Variants in PIP4K2A observed in about 807,000 individuals in gnomAD.
The protein encoded by PIP4K2A is phosphatidylinositol 5-phosphate 4-kinase type-2 alpha.
Under a neutral mutation model 42.9 loss-of-function variants are expected in PIP4K2A, and 14 were observed. That is an observed-to-expected ratio of 0.33 (90% confidence interval 0.22 to 0.51). The LOEUF (loss-of-function observed/expected upper bound fraction) is 0.51. Among genes scored for constraint, PIP4K2A ranks in the 20% least tolerant of loss-of-function variants. The pLI is 0.97. For synonymous variants in PIP4K2A, 192 were observed against 192.2 expected, an observed-to-expected ratio of 1.00 and a Z score of 0.01; for missense variants, 434 against 519.8, an observed-to-expected ratio of 0.83 and a Z score of 1.61.
chr10:22,624,581 TAGG>T (rs1240416598), intron 1 of PIP4K2A, among the ~76,000 whole-genome samples: 1 of 152,180 alleles, frequency 6.6e-6, no homozygotes, highest in Admixed American at 6.5e-5. Flanking sequence ...TTGTGGAATT[TAGG>T]AGATGAGTCA....
Position 22,613,816 on chromosome 10 carries a change from G to A in PIP4K2A, c.145-4099C>T, listed in dbSNP as rs532627241. Among the ~76,000 whole-genome samples the A allele has an allele frequency of 5.3e-5, 8 of 152,266 alleles. No homozygotes were observed. The East Asian group carries it at 7.7e-4, about 15-fold the overall frequency. On this transcript the variant is annotated intron_variant, in intron 1 of 9. Coordinates refer to ENST00000376573, the MANE Select transcript of PIP4K2A (RefSeq NM_005028.5). The stretch of plus-strand genomic sequence containing the variant: ...CAGGTGCAGAGACAGGATGACAGGC[G>A]TTCTTCAGGATGGAGGGTGTTTGCT...
At chr10:22,642,595 C>T (rs1277879032) in intron 1 of PIP4K2A, among the ~76,000 whole-genome samples, 1 of 31,290 alleles carries the variant, frequency 3.2e-5, no homozygotes, top group Non-Finnish European at 6.4e-5. Context: ...TATTTATAAA[C>T]AGATCAGTGT....
intron 4 of PIP4K2A, among the ~76,000 whole-genome samples, chr10:22,585,459 T>C (rs1211400055): frequency 6.6e-6 from 1 of 152,182 alleles, no homozygotes; most frequent in East Asian, 1.9e-4. Context: ...AATAAGAAAG[T>C]AAATTAAAAT....
chr10:22,600,128 A>G lies in PIP4K2A; in HGVS notation c.339+7799T>C, dbSNP rs539399373. Among the ~76,000 whole-genome samples the G allele has an allele frequency of 9.9e-5, 15 of 151,416 alleles. No homozygotes were observed. The South Asian group carries it at 1.0e-3, about 10-fold the overall frequency. On this transcript the variant is annotated intron_variant, in intron 3 of 9. Coordinates refer to ENST00000376573, the MANE Select transcript of PIP4K2A (RefSeq NM_005028.5). ...TTTAGTAACAGTTACTTTTCCCTGC[A>G]TTTTTTAAACAACCAAGCATTTTGC... is the stretch of plus-strand genomic sequence containing the variant.
At chr10:22,641,321 C>A (rs1195891423) in intron 1 of PIP4K2A, among the ~76,000 whole-genome samples, 3 of 152,202 alleles carry the variant, frequency 2.0e-5, no homozygotes, top group Non-Finnish European at 2.9e-5. Flanking sequence ...CCACTCTCTG[C>A]CACTACAGAG....
intron 8 of PIP4K2A, among the ~76,000 whole-genome samples, chr10:22,541,348 C>T (rs958216714): frequency 6.6e-6 from 1 of 152,166 alleles, no homozygotes; most frequent in East Asian, 1.9e-4. Flanking sequence ...CACAGAGGAT[C>T]ACATGCATGT....
chr10:22,568,035 C>A, intron 5 of PIP4K2A, 146 bp from the exon 6 acceptor site: 3 of 736,886 alleles, frequency 4.1e-6, no homozygotes, highest in East Asian at 2.5e-5. Flanking sequence ...GCTTCTCATC[C>A]CTCCCTGACC....
intron 1 of PIP4K2A, chr10:22,691,729 A>G (rs11592199): frequency 0.33 from 50,258 of 152,110 alleles, 8,720 homozygotes; most frequent in South Asian, 0.4. Context: ...CTTGACCCAT[A>G]AAGGTTTGAG....
At chr10:22,693,438 A>C (rs1839913189) in intron 1 of PIP4K2A, among the ~76,000 whole-genome samples, 1 of 152,200 alleles carries the variant, frequency 6.6e-6, no homozygotes, top group African/African-American at 2.4e-5. Flanking sequence ...ATTCACTCAG[A>C]AGGCAACTTC....
intron 3 of PIP4K2A, among the ~76,000 whole-genome samples, chr10:22,597,514 T>C (rs543799270): frequency 5.9e-5 from 9 of 152,278 alleles, no homozygotes; most frequent in South Asian, 2.1e-4. Context: ...CCCATCCACT[T>C]TCTCTGCTTA....
At chr10:22,616,707 GTAAT>G (rs1033320826) in intron 1 of PIP4K2A, among the ~76,000 whole-genome samples, 4 of 150,552 alleles carry the variant, frequency 2.7e-5, no homozygotes, top group African/African-American at 9.8e-5. Context: ...AAAAAAAAAA[GTAAT>G]TAAGTACATG....
intron 1 of PIP4K2A, among the ~76,000 whole-genome samples, chr10:22,683,259 G>A (rs1361944406): frequency 6.6e-6 from 1 of 152,078 alleles, no homozygotes; most frequent in South Asian, 2.1e-4. Flanking sequence ...TCATACCACC[G>A]AGTCAAGGCT....
chr10:22,596,757 T>C (rs1202236353), intron 3 of PIP4K2A, among the ~76,000 whole-genome samples: 1 of 152,186 alleles, frequency 6.6e-6, no homozygotes, highest in Non-Finnish European at 1.5e-5. Flanking sequence ...AACCACTCAA[T>C]ATACAGATAA....
At chr10:22,643,982 T>C (rs1838831266) in intron 1 of PIP4K2A, among the ~76,000 whole-genome samples, 1 of 152,108 alleles carries the variant, frequency 6.6e-6, no homozygotes, top group African/African-American at 2.4e-5. Context: ...GGCTCTCAGT[T>C]TTTAAAACAT....
At chr10:22,593,347 GAAAA>G (rs35283574) in intron 3 of PIP4K2A, among the ~76,000 whole-genome samples, 36 of 146,434 alleles carry the variant, frequency 2.5e-4, no homozygotes, top group Admixed American at 2.1e-3. Context: ...TTGAGAGAAG[GAAAA>G]AAAAAAATCT....
intron 4 of PIP4K2A, among the ~76,000 whole-genome samples, chr10:22,591,387 A>G (rs1307801871): frequency 6.6e-6 from 1 of 152,252 alleles, no homozygotes; most frequent in Non-Finnish European, 1.5e-5. Context: ...ACTATTACAC[A>G]AGAGTATTTA....
At chr10:22,694,885 ACTG>A (rs1472661040) in intron 1 of PIP4K2A, among the ~76,000 whole-genome samples, 1 of 152,186 alleles carries the variant, frequency 6.6e-6, no homozygotes, top group Non-Finnish European at 1.5e-5. Context: ...ATGAGAACTT[ACTG>A]CTATCCACAA....
chr10:22,661,363 T>G (rs1220503483), intron 1 of PIP4K2A, among the ~76,000 whole-genome samples: 3 of 149,076 alleles, frequency 2.0e-5, no homozygotes, highest in Non-Finnish European at 3.0e-5. Context: ...TTTTTTTTTT[T>G]TTTTTTTTTA....
intron 1 of PIP4K2A, 59 bp downstream of exon 1, chr10:22,714,124 G>A (rs1200046303): frequency 1.3e-6 from 2 of 1,508,346 alleles, no homozygotes; most frequent in African/African-American, 1.4e-5. Context: ...GAGGAGGAGG[G>A]GAACGAGGAG....
Sources: gnomAD v4.1 joint callset for allele counts (sites outside exome capture counted in the v4.1 genomes callset) on GRCh38, gnomAD v4.1.1 for gene constraint, MANE v1.5 for transcripts, NCBI Gene and HGNC (gene_info 2026-07-23, HGNC 2026-07-21) for gene names.